The following OPCML variants were observed in gnomAD, a reference collection of about 807,000 sequenced individuals.
OPCML encodes the protein opioid binding protein/cell adhesion molecule like.
OPCML carries 13 observed loss-of-function variants against 37.8 expected under a neutral mutation model. The observed-to-expected ratio is 0.34, with a 90% CI of 0.22 to 0.55. The LOEUF (loss-of-function observed/expected upper bound fraction) is 0.55. OPCML is among the 20% of genes least tolerant of loss of function. The probability of loss-of-function intolerance (pLI) is 0.91; values close to 1 mark genes in which losing one functional copy is unlikely to be tolerated. For missense variants in OPCML, 341 were observed against 435.6 expected (o/e 0.78, Z 1.93); for synonymous variants, 176 against 168.8 (o/e 1.04, Z -0.33).
At chr11:133,468,176 G>A (rs1014550023) in intron 1 of OPCML, among the ~76,000 whole-genome samples, 19 of 152,180 alleles carry the variant, frequency 1.2e-4, no homozygotes, top group African/African-American at 4.1e-4. Context: ...TTTCATTGAT[G>A]GCAATGGCAC....
chr11:133,085,308 C>T (rs1452351530), intron 1 of OPCML, among the ~76,000 whole-genome samples: 1 of 152,156 alleles, frequency 6.6e-6, no homozygotes, highest in African/African-American at 2.4e-5. Flanking sequence ...TGAAGTTTCC[C>T]CTCATTACCT....
At chr11:132,423,398 A>C (rs913165901) in intron 7 of OPCML, among the ~76,000 whole-genome samples, 1 of 152,206 alleles carries the variant, frequency 6.6e-6, no homozygotes, top group East Asian at 1.9e-4. Context: ...AGCTAGCATC[A>C]CTTTCCTCAT....
At chr11:132,576,702 C>T (rs1310914347) in intron 3 of OPCML, among the ~76,000 whole-genome samples, 1 of 152,106 alleles carries the variant, frequency 6.6e-6, no homozygotes. Context: ...ATGTTGGTGT[C>T]TGCATATTAG....
rs1312861171 is a variant in OPCML at position 132,419,846 on chromosome 11, G to A, written c.*347C>T. The A allele has an allele frequency of 8.8e-6, 2 of 226,086 alleles. No individual in the cohort carries two copies. The highest frequency in any genetic ancestry group is 1.7e-5 in the Non-Finnish European group (2 of 115,728). 14.0% of individuals were successfully genotyped at this position (226,086 alleles called of 1,614,324 possible). ...TGTGAGGCTCAATTTTTGCCCAAAT[G>A]AAACTTACGTTTTGTTGTGTGTGGC... is the stretch of plus-strand genomic sequence containing the variant. On this transcript the variant is annotated 3_prime_UTR_variant, in exon 8 of 8. Coordinates refer to ENST00000524381, the MANE Select transcript of OPCML (RefSeq NM_001012393.5).
intron 1 of OPCML, among the ~76,000 whole-genome samples, chr11:133,265,628 T>A (rs894420088): frequency 1.3e-5 from 2 of 152,178 alleles, no homozygotes; most frequent in Non-Finnish European, 1.5e-5. Context: ...CGGAAGCCAG[T>A]GTTGGGGCTG....
At chr11:133,252,758 C>G (rs1367800982) in intron 1 of OPCML, among the ~76,000 whole-genome samples, 1 of 152,082 alleles carries the variant, frequency 6.6e-6, no homozygotes, top group African/African-American at 2.4e-5. Context: ...TTCTGCTTCC[C>G]AAGTAGGGGA....
chr11:133,250,304 A>G (rs1012483098), intron 1 of OPCML, among the ~76,000 whole-genome samples: 2 of 152,186 alleles, frequency 1.3e-5, no homozygotes, highest in African/African-American at 4.8e-5. Flanking sequence ...TGTTTTGGAC[A>G]ATTCCTATAA....
intron 2 of OPCML, among the ~76,000 whole-genome samples, chr11:132,869,430 A>T (rs183099807): frequency 6.6e-6 from 1 of 152,312 alleles, no homozygotes; most frequent in East Asian, 1.9e-4. Context: ...GTATCCTGTC[A>T]TCTTTAACAT....
chr11:132,827,155 C>T (rs1016978849), intron 2 of OPCML, among the ~76,000 whole-genome samples: 2 of 151,920 alleles, frequency 1.3e-5, no homozygotes, highest in South Asian at 2.1e-4. Context: ...AAAATGTCTG[C>T]AAAACATATA....
At chr11:133,321,803 T>C (rs1943336603) in intron 1 of OPCML, among the ~76,000 whole-genome samples, 1 of 152,098 alleles carries the variant, frequency 6.6e-6, no homozygotes, top group African/African-American at 2.4e-5. Flanking sequence ...TTTGATTCCG[T>C]GGGTTCCAGG....
At chr11:133,132,518 C>T (rs995063676) in intron 1 of OPCML, among the ~76,000 whole-genome samples, 1 of 152,108 alleles carries the variant, frequency 6.6e-6, no homozygotes, top group Non-Finnish European at 1.5e-5. Flanking sequence ...CCAGCCATTC[C>T]TCTTTTAGGC....
intron 2 of OPCML, among the ~76,000 whole-genome samples, chr11:132,914,648 C>T (rs933675794): frequency 2.6e-5 from 4 of 152,206 alleles, no homozygotes; most frequent in Non-Finnish European, 5.9e-5. Context: ...TGCCCCTCAA[C>T]AGGGCACCTT....
intron 1 of OPCML, among the ~76,000 whole-genome samples, chr11:132,995,926 A>G (rs1352078941): frequency 6.6e-6 from 1 of 152,222 alleles, no homozygotes; most frequent in Non-Finnish European, 1.5e-5. Context: ...TCTTGGAATC[A>G]ACCAAAATAA....
intron 2 of OPCML, among the ~76,000 whole-genome samples, chr11:132,759,497 AG>A (rs1313363942): frequency 1.3e-4 from 20 of 152,252 alleles, no homozygotes; most frequent in African/African-American, 4.8e-4. Flanking sequence ...TGGCCTATTC[AG>A]GGATTTGATT....
chr11:133,142,225 C>T (rs1432827524), intron 1 of OPCML, among the ~76,000 whole-genome samples: 1 of 152,000 alleles, frequency 6.6e-6, no homozygotes, highest in Non-Finnish European at 1.5e-5. Context: ...TGATCCAAAA[C>T]CAAAAAAGGG....
chr11:132,980,350 G>A (rs994818290), intron 1 of OPCML, among the ~76,000 whole-genome samples: 3 of 152,184 alleles, frequency 2.0e-5, no homozygotes, highest in Admixed American at 6.5e-5. Flanking sequence ...TCTGAAAGAA[G>A]AATTTAAGTT....
intron 1 of OPCML, among the ~76,000 whole-genome samples, chr11:133,296,185 T>A (rs1942624029): frequency 6.6e-6 from 1 of 152,172 alleles, no homozygotes; most frequent in Non-Finnish European, 1.5e-5. Context: ...TGAATCCGAG[T>A]GAAAAATTTC....
intron 3 of OPCML, among the ~76,000 whole-genome samples, chr11:132,572,790 GTC>G (rs761268504): frequency 1.3e-5 from 2 of 151,900 alleles, no homozygotes; most frequent in Non-Finnish European, 2.9e-5. Context: ...CTGTAGAAAA[GTC>G]TCTGATATTT....
intron 3 of OPCML, among the ~76,000 whole-genome samples, chr11:132,557,226 G>T (rs2096397713): frequency 6.6e-6 from 1 of 152,184 alleles, no homozygotes; most frequent in East Asian, 1.9e-4. Context: ...GTGGGAGCCA[G>T]AAACCAATTT....
Sources: gnomAD v4.1 joint callset for allele counts (sites outside exome capture counted in the v4.1 genomes callset) on GRCh38, gnomAD v4.1.1 for gene constraint, MANE v1.5 for transcripts, NCBI Gene and HGNC (gene_info 2026-07-23, HGNC 2026-07-21) for gene names.